The following CEP44 variants were observed in gnomAD, a reference collection of about 807,000 sequenced individuals.
CEP44 encodes the protein centrosomal protein 44, also known as centrosomal protein of 44 kDa.
CEP44 carries 45 observed loss-of-function variants against 46.7 expected under a neutral mutation model. The ratio of observed to expected loss-of-function variants is 0.96; its 90% CI spans 0.76 to 1.24. The LOEUF (loss-of-function observed/expected upper bound fraction) is 1.24, where lower values mean the gene tolerates loss of function less well. CEP44 is among the 50% of genes most tolerant of loss of function. CEP44 has a pLI of 0.00. For synonymous variants in CEP44, 142 were observed against 146.0 expected, an observed-to-expected ratio of 0.97 and a Z score of 0.20; for missense variants, 475 against 459.7, an observed-to-expected ratio of 1.03 and a Z score of -0.30.
In CEP44 at chr4:174,316,250, C is replaced by A; in HGVS notation, c.1046C>A (p.Ala349Asp). 1 of 1,611,400 alleles carries A rather than the reference C, an allele frequency of 6.2e-7. No individual in the cohort carries two copies. Among genetic ancestry groups the A allele is most frequent in the Non-Finnish European group, 8.5e-7 (1 of 1,177,560 alleles). ...STASSDSTPR[A>D]STVNYCGLNE... ...GCATCATCAGATTCAACTCCCAGAG[C>A]CTCTACTGTTAATTACTGTGGTTTG... is the stretch of plus-strand genomic sequence containing the variant. Residue 349 changes from alanine to aspartate, a missense_variant, in exon 10 of 12, where the codon GCC (alanine) becomes GAC (aspartate). Physicochemically the swap from Ala to Asp is moderately radical, Grantham distance 126 (BLOSUM62 -2). Coordinates refer to ENST00000503780, the MANE Select transcript of CEP44 (RefSeq NM_001040157.3).
intron 1 of CEP44, among the ~76,000 whole-genome samples, chr4:174,289,042 A>T (rs1299507582): frequency 6.6e-6 from 1 of 152,116 alleles, no homozygotes; most frequent in Admixed American, 6.5e-5. Flanking sequence ...CCTTCATTCT[A>T]TTAATGCAGT....
In CEP44 at chr4:174,299,079, A is replaced by C; in HGVS notation, c.-43A>C. 2.0e-6 allele frequency: 3 copies of C among 1,538,150 alleles called. No homozygotes were observed. The highest frequency in any genetic ancestry group is 2.7e-6 in the Non-Finnish European group (3 of 1,118,266). ...ATGGATTTCTATTTTCAGGTGAAAA[A>C]TTAGACGATTTCAAGAATTGGAGCT... On this transcript the variant is annotated 5_prime_UTR_variant, in exon 3 of 12. Coordinates refer to ENST00000503780, the MANE Select transcript of CEP44 (RefSeq NM_001040157.3).
chr4:174,323,496 A>G (rs958096991), downstream of CEP44, among the ~76,000 whole-genome samples: 6 of 151,992 alleles, frequency 3.9e-5, no homozygotes, highest in South Asian at 2.1e-4. Flanking sequence ...CACTGAGACA[A>G]TGAGTTTTGC....
intron 3 of CEP44, among the ~76,000 whole-genome samples, chr4:174,299,654 C>T (rs1311240090): frequency 6.6e-6 from 1 of 152,074 alleles, no homozygotes; most frequent in African/African-American, 2.4e-5. Flanking sequence ...AGATTTTATA[C>T]ATTTAAGTCG....
Position 174,309,327 on chromosome 4 carries a change from G to GT in CEP44, c.678+471dup. ...GACCCCAATATGTCTGATCTCTACT[G>GT]TTTCTGCTAAGACTTCTTTTTCTGT... On this transcript the variant is annotated intron_variant, in intron 7 of 11. Coordinates refer to ENST00000503780, the MANE Select transcript of CEP44 (RefSeq NM_001040157.3). This position sits in a 1 kb window ranked among gnomAD's most constrained non-coding sequence, Gnocchi z 5.3. Among the ~76,000 whole-genome samples the GT allele has an allele frequency of 6.6e-6, 1 of 152,006 alleles. No homozygotes were observed. Among genetic ancestry groups the GT allele is most frequent in the South Asian group, 2.1e-4 (1 of 4,818 alleles).
chr4:174,324,771 C>T (rs1742550382), downstream of CEP44, among the ~76,000 whole-genome samples: 3 of 152,114 alleles, frequency 2.0e-5, no homozygotes, highest in Non-Finnish European at 4.4e-5. Flanking sequence ...GGTTTCAGTT[C>T]CATGCCAGCT....
At chr4:174,324,310 A>T (rs553112033), downstream of CEP44, among the ~76,000 whole-genome samples, 4 of 152,256 alleles carry the variant, frequency 2.6e-5, no homozygotes, top group South Asian at 8.3e-4. Flanking sequence ...ACATTGTGAT[A>T]TGTCCAGTTT....
intron 1 of CEP44, among the ~76,000 whole-genome samples, chr4:174,294,958 G>A (rs1245819264): frequency 2.3e-4 from 33 of 141,302 alleles, no homozygotes; most frequent in Non-Finnish European, 3.4e-4. Flanking sequence ...CCTCCTGGAC[G>A]GGACGGCTGG....
At chr4:174,285,630 G>A (rs1032982488) in intron 1 of CEP44, 3 of 152,086 alleles carry the variant, frequency 2.0e-5, no homozygotes, top group Non-Finnish European at 4.4e-5. Flanking sequence ...CTGGGAAAAT[G>A]GAATATACAT....
chr4:174,294,549 A>C, intron 1 of CEP44, among the ~76,000 whole-genome samples: 6 of 149,858 alleles, frequency 4.0e-5, no homozygotes, highest in Non-Finnish European at 3.0e-5. Flanking sequence ...GTTCTCAATG[A>C]GCTGTTGGGT....
At chr4:174,295,983 G>T (rs1738959566) in intron 1 of CEP44, among the ~76,000 whole-genome samples, 2 of 152,246 alleles carry the variant, frequency 1.3e-5, no homozygotes, top group Non-Finnish European at 2.9e-5. Flanking sequence ...TGCTAATGTG[G>T]CTTACATTGA....
At chr4:174,284,446 T>C (rs1256324405) in intron 1 of CEP44, among the ~76,000 whole-genome samples, 1 of 152,204 alleles carries the variant, frequency 6.6e-6, no homozygotes, top group Non-Finnish European at 1.5e-5. Flanking sequence ...GGCTCCTGAC[T>C]ATAAGGAAGA....
chr4:174,322,062 G>A (rs905283039), downstream of CEP44, among the ~76,000 whole-genome samples: 2 of 152,116 alleles, frequency 1.3e-5, no homozygotes, highest in East Asian at 3.9e-4. Flanking sequence ...TTCACACTAG[G>A]ACATTTAAAA....
intron 1 of CEP44, among the ~76,000 whole-genome samples, chr4:174,296,755 C>T (rs1023211680): frequency 7.2e-4 from 89 of 123,456 alleles, no homozygotes; most frequent in Non-Finnish European, 1.3e-3. Context: ...TATTGTTTGT[C>T]CTTACTGATT....
At chr4:174,294,420 T>C (rs1254177756) in intron 1 of CEP44, among the ~76,000 whole-genome samples, 1 of 151,950 alleles carries the variant, frequency 6.6e-6, no homozygotes, top group East Asian at 1.9e-4. Flanking sequence ...CAGAACAAAA[T>C]GAAAAGTCTC....
rs1737244263 is a variant in CEP44 at position 174,283,992 on chromosome 4, G to A, written c.-148+49G>A. 3 of 399,732 alleles carry A rather than the reference G, an allele frequency of 7.5e-6. No individual in the cohort carries two copies. The highest frequency in any genetic ancestry group is 6.2e-5 in the African/African-American group (3 of 48,674). The allele number at this position is 399,732 out of a possible 1,614,324, so 24.8% of individuals were successfully genotyped here. A position where few individuals can be genotyped will look rare whatever the true frequency, so the allele number is the denominator to read the frequency against. On this transcript the variant is annotated intron_variant, in intron 1 of 11. Coordinates refer to ENST00000503780, the MANE Select transcript of CEP44 (RefSeq NM_001040157.3). The surrounding 1 kb of genome is among the most constrained non-coding windows in gnomAD (Gnocchi z 6.7). ...AATTCCAAATACAAACGGTCGGCGC[G>A]AGAAGCGCTTCTGGGCGCAGGCGCC...
rs968661658 is a variant in CEP44, at chr4:174,314,578, A to G, written c.962-1588A>G. Among the ~76,000 whole-genome samples the G allele has an allele frequency of 1.9e-4, 29 of 152,276 alleles. No homozygotes were observed. The highest frequency in any genetic ancestry group is 3.4e-4 in the Non-Finnish European group (23 of 68,028). ...CAAAGTCTGGACCCCAAAATGGAAG[A>G]CAAAGAGAGCCATTCCTTCACCCTT... On this transcript the variant is annotated intron_variant, in intron 9 of 11. Transcript: ENST00000503780. This position sits in a 1 kb window ranked among gnomAD's most constrained non-coding sequence, Gnocchi z 4.1.
chr4:174,321,600 T>A (rs1188656374), downstream of CEP44, among the ~76,000 whole-genome samples: 2 of 152,154 alleles, frequency 1.3e-5, no homozygotes, highest in Admixed American at 1.3e-4. Flanking sequence ...CTTTTAATTA[T>A]GTTGCCCAAA....
At chr4:174,295,555 G>A (rs553349026) in intron 1 of CEP44, among the ~76,000 whole-genome samples, 1 of 151,900 alleles carries the variant, frequency 6.6e-6, no homozygotes, top group Admixed American at 6.6e-5. Context: ...GGGCGGCCAG[G>A]CAGAGACGCT....
Sources: gnomAD v4.1 joint callset for allele counts (sites outside exome capture counted in the v4.1 genomes callset) on GRCh38, gnomAD v4.1.1 for gene constraint, Gnocchi (gnomAD v3.1) non-coding constraint, MANE v1.5 for transcripts, NCBI Gene and HGNC (gene_info 2026-07-23, HGNC 2026-07-21) for gene names.